The following TRAF7 variants were observed in gnomAD, a reference collection of about 807,000 sequenced individuals.
TRAF7 encodes the protein E3 ubiquitin-protein ligase TRAF7.
In TRAF7, 45 loss-of-function variants were observed where a neutral mutation model predicts 89.3. The ratio of observed to expected loss-of-function variants is 0.50; its 90% confidence interval spans 0.40 to 0.65. The LOEUF (loss-of-function observed/expected upper bound fraction) is 0.65, where lower values mean the gene tolerates loss of function less well. Ranked by LOEUF, TRAF7 falls within the 30% of genes least tolerant of loss-of-function variation. The probability of loss-of-function intolerance (pLI) is 0.00; values close to 1 mark genes in which losing one functional copy is unlikely to be tolerated. For missense variants in TRAF7, 677 were observed against 918.1 expected (o/e 0.74, Z 3.39); for synonymous variants, 406 against 369.2 (o/e 1.10, Z -1.14).
intron 1 of TRAF7, among the ~76,000 whole-genome samples, chr16:2,160,771 T>G (rs1469995540): frequency 2.6e-5 from 4 of 152,044 alleles, no homozygotes; most frequent in Non-Finnish European, 5.9e-5. Context: ...AGGGGAATTC[T>G]CACTCCGGTT....
intron 1 of TRAF7, among the ~76,000 whole-genome samples, chr16:2,160,962 G>A (rs1246168141): frequency 6.6e-6 from 1 of 152,070 alleles, no homozygotes; most frequent in Non-Finnish European, 1.5e-5. Flanking sequence ...GAAACTTACT[G>A]CAAAACCCAG....
rs1400009796 is a variant in TRAF7 at position 2,176,348 on chromosome 16, C to G, written c.1962C>G (p.Gly654=). Reference sequence around the variant, plus strand: ...TCACCGCGCTGGCTGTGTCCCGGGGCCGACTCTTCTCAGGGGCTGTGGATA... The same window carrying G: ...TCACCGCGCTGGCTGTGTCCCGGGGGCGACTCTTCTCAGGGGCTGTGGATA... ...GSVTALAVSR[G]RLFSGAVDST... The change falls in exon 20 of 21, where the codon GGC becomes GGG. Residue 654 remains glycine (G), a synonymous_variant. Transcript: ENST00000326181. The G allele has an allele frequency of 6.2e-7, 1 of 1,605,066 alleles. No homozygotes were observed. Among genetic ancestry groups the G allele is most frequent in the African/African-American group, 1.3e-5 (1 of 74,922 alleles).
chr16:2,170,554 C>T, intron 4 of TRAF7, 60 bp from the exon 5 acceptor site: 1 of 1,358,522 alleles, frequency 7.4e-7, no homozygotes, highest in Non-Finnish European at 1.0e-6. Flanking sequence ...TGGGTCCTGT[C>T]CTCCCCGAGG....
Position 2,174,274 on chromosome 16 carries a change from C to T in TRAF7, c.1287C>T (p.Tyr429=). The change falls in exon 14 of 21, where the codon TAC becomes TAT. Residue 429 remains tyrosine, a synonymous_variant. Coordinates refer to ENST00000326181, the MANE Select transcript of TRAF7 (RefSeq NM_032271.3). ...AGGTGTGGGACACATGTACCACCTA[C>T]AAGTGTCAGAAGACACTGGAGGGCC... The part of the protein sequence containing the change: ...TIKVWDTCTT[Y]KCQKTLEGHD... The T allele has an allele frequency of 6.2e-7, 1 of 1,613,172 alleles. No homozygotes were observed. The highest frequency in any genetic ancestry group is 8.5e-7 in the Non-Finnish European group (1 of 1,179,958).
At position 2,168,233 on chromosome 16, in the gene TRAF7, A is replaced by G. The variant is rs2093094788; in HGVS notation, c.231+65A>G. On this transcript the variant is annotated intron_variant, in intron 4 of 20. Transcript: ENST00000326181. The surrounding 1 kb of genome is among the most constrained non-coding windows in gnomAD (Gnocchi z 4.1). Reference sequence around the variant, plus strand: ...TCCCCCCATCCTCCCTCCTGGGGGAACCAGGTCCCAGGAGGAGTTGACAGT... The same window carrying G: ...TCCCCCCATCCTCCCTCCTGGGGGAGCCAGGTCCCAGGAGGAGTTGACAGT... 7.1e-7 allele frequency: 1 copy of G among 1,405,446 alleles called. No individual in the cohort carries two copies. Among genetic ancestry groups the G allele is most frequent in the Middle Eastern group, 1.8e-4 (1 of 5,480 alleles). 87.1% of individuals were successfully genotyped at this position (1,405,446 alleles called of 1,614,324 possible). A position where few individuals can be genotyped will look rare whatever the true frequency, so the allele number is the denominator to read the frequency against.
At position 2,177,602 on chromosome 16, in the gene TRAF7, G is replaced by T. The variant is rs957719621; in HGVS notation, c.*1028G>T. Reference sequence around the variant, plus strand: ...AAGCGTCCGTGGGAACTCCACTGGGGTGGATGGGCTGCCTGCACAGCCCCT... The same window carrying T: ...AAGCGTCCGTGGGAACTCCACTGGGTTGGATGGGCTGCCTGCACAGCCCCT... On this transcript the variant is annotated 3_prime_UTR_variant, in exon 21 of 21. Coordinates refer to ENST00000326181, the MANE Select transcript of TRAF7 (RefSeq NM_032271.3). 10 of 237,388 alleles carry T rather than the reference G, an allele frequency of 4.2e-5. No homozygotes were observed. In the Admixed American group the frequency reaches 4.9e-4, roughly 12 times the overall value. 14.7% of individuals were successfully genotyped at this position (237,388 alleles called of 1,614,324 possible).
chr16:2,176,532 T>C lies in TRAF7; in HGVS notation c.1999-28T>C, dbSNP rs113033228. ...GGGCAGGGCAGCCGGCCGCAGGACA[T>C]CCTGGTGAAGCAGCCCTTTCTCTGC... On this transcript the variant is annotated intron_variant, in intron 20 of 20. Coordinates refer to ENST00000326181, the MANE Select transcript of TRAF7 (RefSeq NM_032271.3). 1.2e-4 allele frequency: 196 copies of C among 1,613,210 alleles called. No individual in the cohort carries two copies. In the African/African-American group the frequency reaches 1.7e-3, roughly 14 times the overall value.
In TRAF7 at chr16:2,168,821, G is replaced by A. The variant is rs561517534; in HGVS notation, c.231+653G>A. 2.0e-3 allele frequency among the ~76,000 whole-genome samples: 307 copies of A among 152,004 alleles called. 2 individuals carry two copies. Among genetic ancestry groups the A allele is most frequent in the African/African-American group, 7.1e-3 (293 of 41,446 alleles). ...CAATGGCGCTCATTGCTGGGCTCTG[G>A]GCCTACCCAGGGGACAGAGGCCAAC... is the stretch of plus-strand genomic sequence containing the variant. On this transcript the variant is annotated intron_variant, in intron 4 of 20. Transcript: ENST00000326181. The surrounding 1 kb of genome is among the most constrained non-coding windows in gnomAD (Gnocchi z 4.1).
intron 1 of TRAF7, among the ~76,000 whole-genome samples, chr16:2,157,588 C>G (rs1343662467): frequency 6.6e-6 from 1 of 152,204 alleles, no homozygotes; most frequent in Non-Finnish European, 1.5e-5. Context: ...CATCCCCACC[C>G]TCCCGCATGG....
At chr16:2,174,423 T>C in intron 14 of TRAF7, 90 bp downstream of exon 14, 2 of 1,260,132 alleles carry the variant, frequency 1.6e-6, no homozygotes, top group Non-Finnish European at 2.2e-6. Flanking sequence ...AGCTCGAGCC[T>C]GTGTAGCTAT....
intron 1 of TRAF7, among the ~76,000 whole-genome samples, chr16:2,157,462 A>G (rs1363661649): frequency 1.3e-5 from 2 of 152,164 alleles, no homozygotes; most frequent in East Asian, 3.9e-4. Flanking sequence ...GCACCCACCG[A>G]AAAGTGCCTT....
In TRAF7 at chr16:2,175,601, C is replaced by G. The variant is rs200042334; in HGVS notation, c.1605C>G (p.Ser535Arg). ...TGGCTGCCCAGAGCTACCTGTACAGCGGCTCCTACCAGACAATCAAGGTGC... is the reference window on the plus strand; with the variant it reads ...TGGCTGCCCAGAGCTACCTGTACAGGGGCTCCTACCAGACAATCAAGGTGC... ...ALVAAQSYLYSGSYQTIKIWD... is the reference protein window; with the variant it reads ...ALVAAQSYLYRGSYQTIKIWD... The change falls in exon 17 of 21, where the codon AGC (serine) becomes AGG (arginine). Residue 535 changes from serine (S) to arginine (R), a missense_variant. Transcript: ENST00000326181. 1 of 1,612,386 alleles carries G rather than the reference C, an allele frequency of 6.2e-7. No homozygotes were observed. The highest frequency in any genetic ancestry group is 8.5e-7 in the Non-Finnish European group (1 of 1,179,814).
intron 2 of TRAF7, among the ~76,000 whole-genome samples, chr16:2,165,677 A>T (rs258286): frequency 1.4e-5 from 2 of 142,322 alleles, no homozygotes; most frequent in African/African-American, 2.7e-5. Context: ...TCGCATGGTT[A>T]AGCGTGTTAG....
chr16:2,160,042 G>A (rs891934628), intron 1 of TRAF7, among the ~76,000 whole-genome samples: 3 of 152,246 alleles, frequency 2.0e-5, no homozygotes, highest in Non-Finnish European at 4.4e-5. Flanking sequence ...CTAGGGAGGG[G>A]CTCCTGAGGG....
At position 2,159,774 on chromosome 16, in the gene TRAF7, A is replaced by G. The variant is rs1189162093; in HGVS notation, c.-39+3916A>G. Among the ~76,000 whole-genome samples, 1 of 152,208 alleles carries G rather than the reference A, an allele frequency of 6.6e-6. No individual in the cohort carries two copies. Among genetic ancestry groups the G allele is most frequent in the Non-Finnish European group, 1.5e-5 (1 of 68,010 alleles). On this transcript the variant is annotated intron_variant, in intron 1 of 20. Coordinates refer to ENST00000326181, the MANE Select transcript of TRAF7 (RefSeq NM_032271.3). The surrounding 1 kb of genome is among the most constrained non-coding windows in gnomAD (Gnocchi z 6.5). ...CATGGCTTGCGCCCCACACATGTTC[A>G]GGGGACCCCCACACCCCACCTGCTC... is the stretch of plus-strand genomic sequence containing the variant.
intron 1 of TRAF7, among the ~76,000 whole-genome samples, chr16:2,157,169 G>T (rs1282527447): frequency 6.6e-6 from 1 of 151,826 alleles, no homozygotes; most frequent in Non-Finnish European, 1.5e-5. Context: ...CCTTCTCTTT[G>T]GGCCTCTCCC....
At chr16:2,156,431 G>A (rs1002041677) in intron 1 of TRAF7, among the ~76,000 whole-genome samples, 1 of 152,202 alleles carries the variant, frequency 6.6e-6, no homozygotes, top group Non-Finnish European at 1.5e-5. Context: ...TAGACAGACA[G>A]GGTGGTGGGA....
intron 7 of TRAF7, among the ~76,000 whole-genome samples, chr16:2,171,985 T>G (rs2141286726): frequency 6.6e-6 from 1 of 152,164 alleles, no homozygotes; most frequent in East Asian, 1.9e-4. Flanking sequence ...ACCCCACACT[T>G]TTCCGGGCAC....
chr16:2,173,858 C>CGG, intron 12 of TRAF7, 22 bp downstream of exon 12: 1 of 1,599,234 alleles, frequency 6.3e-7, no homozygotes, highest in Non-Finnish European at 8.5e-7. Flanking sequence ...CCCGCCGTGG[C>CGG]TCCCGCCCAC....
Sources: gnomAD v4.1 joint callset for allele counts (sites outside exome capture counted in the v4.1 genomes callset) on GRCh38, gnomAD v4.1.1 for gene constraint, Gnocchi (gnomAD v3.1) non-coding constraint, MANE v1.5 for transcripts, NCBI Gene and HGNC (gene_info 2026-07-23, HGNC 2026-07-21) for gene names.